Variants in SLIT2 observed in about 807,000 individuals in gnomAD.
The protein encoded by SLIT2 is slit guidance ligand 2.
Under a neutral mutation model 185.7 loss-of-function variants are expected in SLIT2, and 41 were observed. The ratio of observed to expected loss-of-function variants is 0.22; its 90% CI spans 0.17 to 0.29. The LOEUF (loss-of-function observed/expected upper bound fraction) is 0.29, where lower values mean the gene tolerates loss of function less well. SLIT2 is among the 10% of genes least tolerant of loss of function. SLIT2 has a pLI of 1.00. For synonymous variants in SLIT2, 693 were observed against 680.2 expected, an observed-to-expected ratio of 1.02 and a Z score of -0.29; for missense variants, 1,571 against 1,909.0, an observed-to-expected ratio of 0.82 and a Z score of 3.30.
chr4:20,407,046 A>T (rs569850264), intron 4 of SLIT2, among the ~76,000 whole-genome samples: 1 of 152,302 alleles, frequency 6.6e-6, no homozygotes, highest in South Asian at 2.1e-4. Context: ...ATATCCAGGC[A>T]CAAAATGGCT....
At chr4:20,380,867 A>G (rs1178204062) in intron 4 of SLIT2, among the ~76,000 whole-genome samples, 1 of 152,120 alleles carries the variant, frequency 6.6e-6, no homozygotes, top group Non-Finnish European at 1.5e-5. Context: ...AATTTTTTCC[A>G]AATGTATTGA....
At chr4:20,564,239 A>G (rs1289297317) in intron 26 of SLIT2, among the ~76,000 whole-genome samples, 1 of 151,782 alleles carries the variant, frequency 6.6e-6, no homozygotes, top group East Asian at 1.9e-4. Flanking sequence ...GAATGCAAAC[A>G]GAAGACAGAA....
At chr4:20,438,219 A>T (rs1729492962) in intron 4 of SLIT2, among the ~76,000 whole-genome samples, 1 of 152,116 alleles carries the variant, frequency 6.6e-6, no homozygotes, top group African/African-American at 2.4e-5. Flanking sequence ...TCTGCTCATA[A>T]CTTTGCAGTT....
intron 4 of SLIT2, among the ~76,000 whole-genome samples, chr4:20,397,471 A>G (rs1725987812): frequency 6.6e-6 from 1 of 151,750 alleles, no homozygotes; most frequent in African/African-American, 2.4e-5. Context: ...TGTTCTGCAT[A>G]AGAAACTGAA....
In SLIT2 at chr4:20,252,445, G is replaced by A. The variant is rs927598126; in HGVS notation, c.-1371G>A. Reference sequence around the variant, plus strand: ...GACTACCCGGGACTGCGGCCGCCGCGTCAGGTGCAGCGCCAGGAGCCGGGC... The same window carrying A: ...GACTACCCGGGACTGCGGCCGCCGCATCAGGTGCAGCGCCAGGAGCCGGGC... On this transcript the variant is annotated 5_prime_UTR_variant, in exon 1 of 37. Transcript: ENST00000504154. Among the ~76,000 whole-genome samples the A allele has an allele frequency of 6.6e-6, 1 of 152,210 alleles. No individual in the cohort carries two copies. The highest frequency in any genetic ancestry group is 1.5e-5 in the Non-Finnish European group (1 of 68,032).
chr4:20,301,730 A>C (rs900993873), intron 4 of SLIT2, among the ~76,000 whole-genome samples: 2 of 152,142 alleles, frequency 1.3e-5, no homozygotes, highest in Non-Finnish European at 2.9e-5. Context: ...ATTGAGATTA[A>C]AAAATGTTAA....
Position 20,528,074 on chromosome 4 carries a change from G to C in SLIT2, c.1463-875G>C, listed in dbSNP as rs896038144. 5.3e-5 allele frequency among the ~76,000 whole-genome samples: 8 copies of C among 152,102 alleles called. No homozygotes were observed. Among genetic ancestry groups the C allele is most frequent in the African/African-American group, 1.7e-4 (7 of 41,400 alleles). ...TTCCATTCTGCAGTTCTGAGGAATG[G>C]TGGAGGCACCTTTTCCATATAGCCC... On this transcript the variant is annotated intron_variant, in intron 15 of 36. Transcript: ENST00000504154. This position sits in a 1 kb window ranked among gnomAD's most constrained non-coding sequence, Gnocchi z 4.2.
intron 4 of SLIT2, among the ~76,000 whole-genome samples, chr4:20,449,935 A>G (rs1313738227): frequency 6.8e-6 from 1 of 147,902 alleles, no homozygotes; most frequent in Non-Finnish European, 1.5e-5. Context: ...ATCCACTGCA[A>G]TGATTTCAAG....
intron 21 of SLIT2, among the ~76,000 whole-genome samples, chr4:20,545,304 T>A (rs1467872111): frequency 3.3e-5 from 5 of 152,048 alleles, no homozygotes. Context: ...AGATGAAATT[T>A]ATTTTCCTTA....
At chr4:20,567,775 A>T (rs1463384465) in intron 28 of SLIT2, among the ~76,000 whole-genome samples, 160 bp downstream of exon 28, 1 of 152,124 alleles carries the variant, frequency 6.6e-6, no homozygotes, top group East Asian at 1.9e-4. Flanking sequence ...TGCAATATAA[A>T]AAATAAATGG....
chr4:20,437,839 C>T (rs1044989618), intron 4 of SLIT2, among the ~76,000 whole-genome samples: 3 of 141,372 alleles, frequency 2.1e-5, no homozygotes, highest in Admixed American at 7.6e-5. Flanking sequence ...GGCGTGAACC[C>T]AAGAGGCAGA....
intron 4 of SLIT2, among the ~76,000 whole-genome samples, chr4:20,422,277 T>C (rs1728226948): frequency 6.6e-6 from 1 of 152,198 alleles, no homozygotes; most frequent in African/African-American, 2.4e-5. Flanking sequence ...AGATCATAAT[T>C]AATCCAGGCT....
At chr4:20,543,213 T>C (rs1435650817) in intron 21 of SLIT2, among the ~76,000 whole-genome samples, 1 of 152,078 alleles carries the variant, frequency 6.6e-6, no homozygotes, top group Admixed American at 6.6e-5. Flanking sequence ...CAAAGTCCTT[T>C]AGATCCTAAA....
chr4:20,254,342 C>G lies in SLIT2; in HGVS notation c.179+348C>G, dbSNP rs553354385. 6.6e-5 allele frequency among the ~76,000 whole-genome samples: 10 copies of G among 152,290 alleles called. No homozygotes were observed. Among genetic ancestry groups the G allele is most frequent in the African/African-American group, 2.2e-4 (9 of 41,570 alleles). ...GAGACGCCACTTTGTTCTCCAGAGT[C>G]CATAAACGGAGTCACCTTGCGATTG... On this transcript the variant is annotated intron_variant, in intron 1 of 36. Transcript: ENST00000504154. This position sits in a 1 kb window ranked among gnomAD's most constrained non-coding sequence, Gnocchi z 5.1.
chr4:20,453,115 TTATAA>T (rs1712661050), intron 4 of SLIT2, among the ~76,000 whole-genome samples: 1 of 152,218 alleles, frequency 6.6e-6, no homozygotes, highest in South Asian at 2.1e-4. Flanking sequence ...CTTTCAAAAA[TTATAA>T]TATGACTTTT....
At position 20,327,633 on chromosome 4, in the gene SLIT2, C is replaced by T. The variant is rs978775576; in HGVS notation, c.395+58752C>T. 3.3e-5 allele frequency among the ~76,000 whole-genome samples: 5 copies of T among 151,822 alleles called. No homozygotes were observed. The South Asian group carries it at 6.2e-4, about 19-fold the overall frequency. ...AAAATCATAATTTTATTTCATTTCA[C>T]TGGAAAATAGAATTATTTCTTATGT... On this transcript the variant is annotated intron_variant, in intron 4 of 36. Transcript: ENST00000504154.
chr4:20,399,042 C>T (rs963972815), intron 4 of SLIT2, among the ~76,000 whole-genome samples: 2 of 151,454 alleles, frequency 1.3e-5, no homozygotes, highest in Admixed American at 6.6e-5. Context: ...ATGATACAAG[C>T]GTACTTTGTG....
chr4:20,279,155 T>C lies in SLIT2; in HGVS notation c.395+10274T>C, dbSNP rs1004626650. Among the ~76,000 whole-genome samples, 4 of 152,214 alleles carry C rather than the reference T, an allele frequency of 2.6e-5. 1 individual carries two copies. The highest frequency in any genetic ancestry group is 2.6e-4 in the Admixed American group (4 of 15,284). ...TAACAAATATATTTGACAGTTACTCTAAGTCATTTCATGTATTGAGGTTGG... is the reference window on the plus strand; with the variant it reads ...TAACAAATATATTTGACAGTTACTCCAAGTCATTTCATGTATTGAGGTTGG... On this transcript the variant is annotated intron_variant, in intron 4 of 36. Coordinates refer to ENST00000504154, the MANE Select transcript of SLIT2 (RefSeq NM_004787.4).
intron 5 of SLIT2, among the ~76,000 whole-genome samples, chr4:20,471,738 C>A (rs1029043399): frequency 1.3e-5 from 2 of 152,022 alleles, no homozygotes; most frequent in Non-Finnish European, 2.9e-5. Flanking sequence ...AGGCGGTATC[C>A]CAACAATATG....
Sources: gnomAD v4.1 joint callset for allele counts (sites outside exome capture counted in the v4.1 genomes callset) on GRCh38, gnomAD v4.1.1 for gene constraint, Gnocchi (gnomAD v3.1) non-coding constraint, MANE v1.5 for transcripts, NCBI Gene and HGNC (gene_info 2026-07-23, HGNC 2026-07-21) for gene names.